Variants in SPPL3 observed in about 807,000 individuals in gnomAD.
SPPL3 encodes the protein signal peptide peptidase like 3.
A neutral mutation model predicts 42.4 loss-of-function variants in SPPL3; 5 were observed. The observed-to-expected ratio is 0.12, with a 90% CI of 0.06 to 0.25. SPPL3 has a LOEUF of 0.25. SPPL3 is among the 10% of genes least tolerant of loss of function. SPPL3 has a pLI of 1.00. For missense variants in SPPL3, 235 were observed against 489.0 expected (o/e 0.48, Z 4.90); for synonymous variants, 195 against 181.8 (o/e 1.07, Z -0.58).
At chr12:120,854,685 G>C (rs546058059) in intron 1 of SPPL3, among the ~76,000 whole-genome samples, 3 of 152,022 alleles carry the variant, frequency 2.0e-5, no homozygotes, top group African/African-American at 7.2e-5. Flanking sequence ...CTGTCAATTG[G>C]GTCTAAAATT....
chr12:120,805,868 C>T (rs969034165), intron 2 of SPPL3, among the ~76,000 whole-genome samples: 2 of 152,072 alleles, frequency 1.3e-5, no homozygotes, highest in Admixed American at 6.5e-5. Context: ...ATATCTAAAA[C>T]ATCTAAATTA....
intron 1 of SPPL3, among the ~76,000 whole-genome samples, chr12:120,817,159 G>T (rs1870910863): frequency 6.6e-6 from 1 of 151,884 alleles, no homozygotes; most frequent in South Asian, 2.1e-4. Context: ...GCCAGGCACG[G>T]TGGGGCGCGC....
rs150341079 is a variant in SPPL3, at chr12:120,804,378, A to C, written c.101+6431T>G. ...CAAAAACCCATTTTCACAATAAAGA[A>C]AGAACACTCAAAATTCAACAAGAAA... On this transcript the variant is annotated intron_variant, in intron 2 of 10. Transcript: ENST00000353487. 3.4e-3 allele frequency among the ~76,000 whole-genome samples: 513 copies of C among 152,282 alleles called. 3 individuals are homozygous for C. Among genetic ancestry groups the C allele is most frequent in the African/African-American group, 0.012 (496 of 41,578 alleles).
Position 120,764,817 on chromosome 12 carries a change from C to G in SPPL3, c.*182G>C, listed in dbSNP as rs1868818077. On this transcript the variant is annotated 3_prime_UTR_variant, in exon 11 of 11. Coordinates refer to ENST00000353487, the MANE Select transcript of SPPL3 (RefSeq NM_139015.5). ...CTACATCCGCAGGAAGAGAAGGAACCAAACAGGGCTCCAGCACCTCTCTCC... is the reference window on the plus strand; with the variant it reads ...CTACATCCGCAGGAAGAGAAGGAACGAAACAGGGCTCCAGCACCTCTCTCC... The G allele has an allele frequency of 3.2e-6, 2 of 625,762 alleles. No homozygotes were observed. The highest frequency in any genetic ancestry group is 6.6e-5 in the Admixed American group (2 of 30,374). The allele number at this position is 625,762 out of a possible 1,614,324, so 38.8% of individuals were successfully genotyped here. A position where few individuals can be genotyped will look rare whatever the true frequency, so the allele number is the denominator to read the frequency against.
intron 1 of SPPL3, among the ~76,000 whole-genome samples, chr12:120,817,529 T>C (rs1372753921): frequency 2.0e-5 from 3 of 152,168 alleles, no homozygotes; most frequent in African/African-American, 2.4e-5. Context: ...CCAGTAGACA[T>C]ATATGAAGGT....
At chr12:120,789,522 A>G (rs1869841648) in intron 3 of SPPL3, among the ~76,000 whole-genome samples, 1 of 150,462 alleles carries the variant, frequency 6.6e-6, no homozygotes, top group Non-Finnish European at 1.5e-5. Context: ...TTCATGAACA[A>G]AAAATAAAAA....
At chr12:120,871,657 G>C (rs1240904784) in intron 1 of SPPL3, among the ~76,000 whole-genome samples, 1 of 151,954 alleles carries the variant, frequency 6.6e-6, no homozygotes, top group Non-Finnish European at 1.5e-5. Flanking sequence ...GGCGGCTAAG[G>C]CAGGAGAATC....
intron 2 of SPPL3, among the ~76,000 whole-genome samples, chr12:120,802,381 A>G (rs895164227): frequency 6.6e-5 from 9 of 137,230 alleles, no homozygotes; most frequent in African/African-American, 2.5e-4. Flanking sequence ...ATATATATGT[A>G]TATATATACA....
intron 2 of SPPL3, among the ~76,000 whole-genome samples, chr12:120,801,441 T>C (rs1870291970): frequency 1.3e-5 from 2 of 151,826 alleles, no homozygotes; most frequent in Admixed American, 6.6e-5. Context: ...TTTTTTGAGA[T>C]CTTATATTTT....
intron 2 of SPPL3, among the ~76,000 whole-genome samples, chr12:120,797,059 AC>A (rs1376839935): frequency 4.6e-5 from 7 of 152,042 alleles, no homozygotes; most frequent in African/African-American, 1.7e-4. Context: ...AATCCGAGCT[AC>A]CCAGGAGGCT....
Position 120,904,031 on chromosome 12 carries a change from G to A in SPPL3, c.-164C>T, listed in dbSNP as rs1445904760. ...GGGCCGGGAAGGCGGCTGGCGGGGA[G>A]AGGCCGGGCTCCGAAGCGGCCCCGC... On this transcript the variant is annotated 5_prime_UTR_variant, in exon 1 of 11. Coordinates refer to ENST00000353487, the MANE Select transcript of SPPL3 (RefSeq NM_139015.5). 2.4e-5 allele frequency: 12 copies of A among 500,306 alleles called. No individual in the cohort carries two copies. In the East Asian group the frequency reaches 4.1e-4, roughly 17 times the overall value. 31.0% of individuals were successfully genotyped at this position (500,306 alleles called of 1,614,324 possible).
At chr12:120,847,644 C>A (rs189957096) in intron 1 of SPPL3, among the ~76,000 whole-genome samples, 3 of 151,662 alleles carry the variant, frequency 2.0e-5, no homozygotes, top group East Asian at 3.9e-4. Context: ...TTGCCCAGGA[C>A]GGTTTGAAAC....
intron 1 of SPPL3, among the ~76,000 whole-genome samples, chr12:120,815,407 T>A (rs187696423): frequency 6.6e-6 from 1 of 152,332 alleles, no homozygotes; most frequent in Admixed American, 6.5e-5. Flanking sequence ...TTCTTTTTTA[T>A]GATTAAAGGT....
intron 1 of SPPL3, among the ~76,000 whole-genome samples, chr12:120,833,953 C>T (rs913484240): frequency 2.6e-5 from 4 of 152,182 alleles, no homozygotes; most frequent in South Asian, 2.1e-4. Flanking sequence ...TGAGTCTGCA[C>T]AGTACTGACC....
chr12:120,887,960 A>T (rs1368645678), intron 1 of SPPL3, among the ~76,000 whole-genome samples: 2 of 152,262 alleles, frequency 1.3e-5, no homozygotes, highest in Non-Finnish European at 2.9e-5. Context: ...CAGTTTATCA[A>T]AATGTTAAAA....
intron 6 of SPPL3, 136 bp from the exon 7 acceptor site, chr12:120,769,195 C>CT: frequency 1.5e-6 from 1 of 646,616 alleles, no homozygotes; most frequent in East Asian, 2.9e-5. Context: ...GCTTCAGAAA[C>CT]TTACATGCAA....
intron 1 of SPPL3, among the ~76,000 whole-genome samples, chr12:120,898,311 TTTTAAA>T (rs1301791400): frequency 2.7e-5 from 3 of 110,216 alleles, no homozygotes; most frequent in Non-Finnish European, 6.1e-5. Flanking sequence ...TTTTTTTTTT[TTTTAAA>T]AAAAAAAAAA....
At chr12:120,889,504 T>C (rs1873565196) in intron 1 of SPPL3, among the ~76,000 whole-genome samples, 1 of 152,240 alleles carries the variant, frequency 6.6e-6, no homozygotes, top group Non-Finnish European at 1.5e-5. Context: ...CCTTGCCCTC[T>C]TGTGCCCCTG....
chr12:120,808,472 T>G (rs1384565336), intron 2 of SPPL3, among the ~76,000 whole-genome samples: 3 of 152,204 alleles, frequency 2.0e-5, no homozygotes, highest in Non-Finnish European at 4.4e-5. Flanking sequence ...GGTTTAAAAC[T>G]TGCTCAATCC....
Sources: gnomAD v4.1 joint callset for allele counts (sites outside exome capture counted in the v4.1 genomes callset) on GRCh38, gnomAD v4.1.1 for gene constraint, MANE v1.5 for transcripts, NCBI Gene and HGNC (gene_info 2026-07-23, HGNC 2026-07-21) for gene names.